ADAMTS17: variants seen among roughly 807,000 people sequenced by gnomAD.
The protein encoded by ADAMTS17 is A disintegrin and metalloproteinase with thrombospondin motifs 17.
A neutral mutation model predicts 141.5 loss-of-function variants in ADAMTS17; 113 were observed. The ratio of observed to expected loss-of-function variants is 0.80; its 90% CI spans 0.69 to 0.93. The LOEUF is 0.93. Ranked by LOEUF, ADAMTS17 falls within the 40% of genes least tolerant of loss-of-function variation. ADAMTS17 has a pLI of 0.00. For missense variants in ADAMTS17, 1,659 were observed against 1,517.9 expected (o/e 1.09, Z -1.54); for synonymous variants, 768 against 630.6 (o/e 1.22, Z -3.27).
At chr15:100,199,838 G>T (rs1190776058) in intron 7 of ADAMTS17, among the ~76,000 whole-genome samples, 2 of 152,206 alleles carry the variant, frequency 1.3e-5, no homozygotes, top group Non-Finnish European at 2.9e-5. Context: ...AGCCAGGTAA[G>T]ACACCGAGGG....
At chr15:100,110,136 G>A (rs979676832) in intron 13 of ADAMTS17, among the ~76,000 whole-genome samples, 3 of 139,314 alleles carry the variant, frequency 2.2e-5, no homozygotes, top group Non-Finnish European at 4.4e-5. Flanking sequence ...TCCCCACAGT[G>A]GGCCCAGGAC....
intron 19 of ADAMTS17, among the ~76,000 whole-genome samples, chr15:99,994,137 G>C (rs536275028): frequency 6.6e-6 from 1 of 152,084 alleles, no homozygotes; most frequent in African/African-American, 2.4e-5. Flanking sequence ...CCACAGCCTC[G>C]GGAAGACAAA....
At chr15:100,225,509 C>T (rs759941068) in intron 7 of ADAMTS17, among the ~76,000 whole-genome samples, 127 of 149,750 alleles carry the variant, frequency 8.5e-4, no homozygotes, top group African/African-American at 2.8e-3. Flanking sequence ...TCAGTCCTTA[C>T]AGCAGTCACG....
At chr15:100,157,098 T>C (rs2039471254) in intron 8 of ADAMTS17, among the ~76,000 whole-genome samples, 1 of 152,326 alleles carries the variant, frequency 6.6e-6, no homozygotes, top group South Asian at 2.1e-4. Flanking sequence ...AAATGCCAGA[T>C]GCTTACAAAC....
chr15:100,143,710 TAAG>T (rs901732176), intron 10 of ADAMTS17, among the ~76,000 whole-genome samples: 68 of 152,344 alleles, frequency 4.5e-4, no homozygotes, highest in African/African-American at 1.6e-3. Flanking sequence ...TCCAGAGTCC[TAAG>T]AATTAATATG....
intron 17 of ADAMTS17, among the ~76,000 whole-genome samples, chr15:100,049,450 G>T (rs1474299051): frequency 6.6e-6 from 1 of 152,164 alleles, no homozygotes; most frequent in African/African-American, 2.4e-5. Flanking sequence ...TGAGGAGTCT[G>T]GTCTGGAAGA....
At chr15:100,034,986 G>A (rs2727182) in intron 18 of ADAMTS17, among the ~76,000 whole-genome samples, 7,005 of 152,220 alleles carry the variant, frequency 0.046, 336 homozygotes, top group African/African-American at 0.12. Flanking sequence ...ACCTTCCTTG[G>A]AAAAGGAGAA....
At chr15:100,337,670 G>A (rs376531654) in intron 2 of ADAMTS17, among the ~76,000 whole-genome samples, 1 of 151,964 alleles carries the variant, frequency 6.6e-6, no homozygotes, top group Non-Finnish European at 1.5e-5. Flanking sequence ...CAAGCTTTGT[G>A]AGTATCATCC....
At chr15:100,112,327 A>G (rs1487767674) in intron 13 of ADAMTS17, among the ~76,000 whole-genome samples, 1 of 152,100 alleles carries the variant, frequency 6.6e-6, no homozygotes, top group African/African-American at 2.4e-5. Context: ...AGGCTCCAGA[A>G]CAGAGTCTAG....
At chr15:100,319,683 C>G (rs1225650667) in intron 3 of ADAMTS17, among the ~76,000 whole-genome samples, 1 of 152,138 alleles carries the variant, frequency 6.6e-6, no homozygotes, top group East Asian at 1.9e-4. Context: ...GCACTCCAAC[C>G]TGGGCGACAG....
intron 18 of ADAMTS17, among the ~76,000 whole-genome samples, chr15:100,000,434 G>A (rs574562651): frequency 1.3e-5 from 2 of 152,274 alleles, no homozygotes; most frequent in South Asian, 2.1e-4. Flanking sequence ...GGACAACATG[G>A]CCCAGATGTG....
At chr15:100,209,101 T>G (rs1207376058) in intron 7 of ADAMTS17, among the ~76,000 whole-genome samples, 8 of 98,806 alleles carry the variant, frequency 8.1e-5, no homozygotes, top group Non-Finnish European at 8.3e-5. Context: ...ATGGAAATAT[T>G]TGCCAAGTTA....
chr15:100,253,897 T>C (rs1224203222), intron 7 of ADAMTS17, among the ~76,000 whole-genome samples: 4 of 152,068 alleles, frequency 2.6e-5, no homozygotes, highest in African/African-American at 4.8e-5. Context: ...GCTTTTCCCC[T>C]TGGTGTCACT....
At chr15:99,995,219 G>A (rs996531112) in intron 19 of ADAMTS17, among the ~76,000 whole-genome samples, 3 of 152,224 alleles carry the variant, frequency 2.0e-5, no homozygotes, top group Non-Finnish European at 4.4e-5. Flanking sequence ...TGTCCTCACT[G>A]TCTGACTTGT....
At chr15:100,254,816 G>A (rs1362697153) in intron 6 of ADAMTS17, among the ~76,000 whole-genome samples, 3 of 152,152 alleles carry the variant, frequency 2.0e-5, no homozygotes, top group Admixed American at 6.5e-5. Context: ...GACACATGGT[G>A]GGGAACAACA....
At chr15:100,057,828 G>C (rs1435142318) in intron 15 of ADAMTS17, among the ~76,000 whole-genome samples, 1 of 152,110 alleles carries the variant, frequency 6.6e-6, no homozygotes, top group Non-Finnish European at 1.5e-5. Flanking sequence ...GGACAGGCAG[G>C]AGTGCCAGTG....
intron 14 of ADAMTS17, among the ~76,000 whole-genome samples, chr15:100,096,907 C>T (rs2035795608): frequency 6.6e-6 from 1 of 152,230 alleles, no homozygotes; most frequent in African/African-American, 2.4e-5. Flanking sequence ...TTGGCTGAAA[C>T]AACCAGTAGT....
At position 100,067,869 on chromosome 15, in the gene ADAMTS17, C is replaced by T. The variant is rs753183519; in HGVS notation, c.2138-13815G>A. Among the ~76,000 whole-genome samples, 16 of 152,250 alleles carry T rather than the reference C, an allele frequency of 1.1e-4. No individual in the cohort carries two copies. In the East Asian group the frequency reaches 1.2e-3, roughly 11 times the overall value. On this transcript the variant is annotated intron_variant, in intron 15 of 21. Transcript: ENST00000268070. ...ATTTCTGCATTTCCAACTGAGGTAC[C>T]GGGTTCATCTCACTGGGGAGTGTCG... is the stretch of plus-strand genomic sequence containing the variant.
intron 18 of ADAMTS17, among the ~76,000 whole-genome samples, chr15:100,016,589 T>C (rs2061293949): frequency 1.3e-5 from 2 of 152,198 alleles, no homozygotes; most frequent in Admixed American, 6.5e-5. Context: ...CCTTTTCCTA[T>C]GGATATGGCT....
Sources: allele counts gnomAD v4.1 joint callset (sites outside exome capture counted in the v4.1 genomes callset), GRCh38; gene constraint gnomAD v4.1.1; transcripts MANE v1.5; gene names NCBI Gene and HGNC (gene_info 2026-07-23, HGNC 2026-07-21).